Variants in DIPK1A observed in about 807,000 individuals in gnomAD.
DIPK1A encodes family with sequence similarity 69 member A.
Under a neutral mutation model 40.8 loss-of-function variants are expected in DIPK1A, and 27 were observed. The ratio of observed to expected loss-of-function variants is 0.66; its 90% CI spans 0.49 to 0.91. The LOEUF (loss-of-function observed/expected upper bound fraction) is 0.91. Ranked by LOEUF, DIPK1A falls within the 40% of genes least tolerant of loss-of-function variation. The probability of loss-of-function intolerance (pLI) is 0.00; values close to 1 mark genes in which losing one functional copy is unlikely to be tolerated. For missense variants in DIPK1A, 412 were observed against 505.7 expected (o/e 0.81, Z 1.78); for synonymous variants, 166 against 171.3 (o/e 0.97, Z 0.24).
chr1:92,862,580 C>G (rs1373820598), intron 2 of DIPK1A, among the ~76,000 whole-genome samples: 1 of 152,180 alleles, frequency 6.6e-6, no homozygotes, highest in Non-Finnish European at 1.5e-5. Flanking sequence ...TAAAACAGAT[C>G]CCCCTGCTTG....
intron 4 of DIPK1A, among the ~76,000 whole-genome samples, chr1:92,845,735 C>T (rs1191657350): frequency 6.6e-6 from 1 of 151,792 alleles, no homozygotes. Context: ...ACTCGGGAGG[C>T]TGAGGCAGGA....
chr1:92,838,972 G>T (rs1687230403), downstream of DIPK1A, among the ~76,000 whole-genome samples: 2 of 151,120 alleles, frequency 1.3e-5, no homozygotes, highest in South Asian at 4.2e-4. Context: ...TTAGAGACCT[G>T]GATTACTGTG....
At position 92,843,236 on chromosome 1, in the gene DIPK1A, T is replaced by G. The variant is rs1202311623; in HGVS notation, c.*147A>C. The stretch of plus-strand genomic sequence containing the variant: ...TGTTGATCCTACACCTGCCATTACT[T>G]CAGTGATCACATACTGATGGCTTCT... On this transcript the variant is annotated 3_prime_UTR_variant, in exon 5 of 5. Coordinates refer to ENST00000370310, the MANE Select transcript of DIPK1A (RefSeq NM_001006605.5). 1.4e-6 allele frequency: 2 copies of G among 1,425,036 alleles called. No homozygotes were observed. The highest frequency in any genetic ancestry group is 1.8e-6 in the Non-Finnish European group (2 of 1,089,008). The allele number at this position is 1,425,036 out of a possible 1,614,324, so 88.3% of individuals were successfully genotyped here.
rs1175439980 is a variant in DIPK1A at position 92,843,839 on chromosome 1, T to C, written c.831A>G (p.Glu277=). Residue 277 remains glutamate (E), a synonymous_variant, in exon 5 of 5, where the codon GAA becomes GAG. Coordinates refer to ENST00000370310, the MANE Select transcript of DIPK1A (RefSeq NM_001006605.5). ...RKAKIAIGLL[E]FVEDVFHGPY... is the part of the protein sequence containing the mutation. ...GGCCATGGAAAACATCTTCCACAAA[T>C]TCTAGAAGTCCTATGGCTATTTTGG... 3 of 1,551,828 alleles carry C rather than the reference T, an allele frequency of 1.9e-6. No homozygotes were observed. Among genetic ancestry groups the C allele is most frequent in the Non-Finnish European group, 2.6e-6 (3 of 1,147,028 alleles).
At chr1:92,892,569 C>T (rs909514068) in intron 1 of DIPK1A, among the ~76,000 whole-genome samples, 1 of 152,032 alleles carries the variant, frequency 6.6e-6, no homozygotes, top group East Asian at 1.9e-4. Flanking sequence ...AGCAGAAAAA[C>T]TGAAAATTCT....
intron 1 of DIPK1A, among the ~76,000 whole-genome samples, chr1:92,895,222 T>C (rs1315658996): frequency 6.6e-6 from 1 of 152,000 alleles, no homozygotes; most frequent in African/African-American, 2.4e-5. Context: ...TTTAGACCAA[T>C]ATCCCTGATG....
At chr1:92,841,673 C>A (rs1405546101), downstream of DIPK1A, 8 of 754,498 alleles carry the variant, frequency 1.1e-5, no homozygotes, top group South Asian at 1.2e-4. Flanking sequence ...CTTAAATATT[C>A]TCTATCAAAA....
intron 2 of DIPK1A, among the ~76,000 whole-genome samples, chr1:92,865,256 G>C (rs1647482009): frequency 6.6e-6 from 1 of 151,636 alleles, no homozygotes; most frequent in Non-Finnish European, 1.5e-5. Flanking sequence ...TCAGCTACTT[G>C]AGAGGCTGAG....
rs568560780 is a variant in DIPK1A, at chr1:92,908,344, T to TA, written c.55-31915dup. Among the ~76,000 whole-genome samples, 551 of 151,480 alleles carry TA rather than the reference T, an allele frequency of 3.6e-3. 1 individual carries two copies. Among genetic ancestry groups the TA allele is most frequent in the Non-Finnish European group, 6.8e-3 (459 of 67,854 alleles). ...GAATCTTCACTATTTAATGGTTGGGTAAAAAAAAGACAAGCTGATAAAAGA... is the reference window on the plus strand; with the variant it reads ...GAATCTTCACTATTTAATGGTTGGGTAAAAAAAAAGACAAGCTGATAAAAGA... On this transcript the variant is annotated intron_variant, in intron 1 of 4. Coordinates refer to ENST00000370310, the MANE Select transcript of DIPK1A (RefSeq NM_001006605.5).
chr1:92,879,169 G>C (rs1370126593), intron 1 of DIPK1A, among the ~76,000 whole-genome samples: 1 of 152,126 alleles, frequency 6.6e-6, no homozygotes, highest in Admixed American at 6.5e-5. Flanking sequence ...GACACAGAGA[G>C]ACCCTGTTGC....
chr1:92,849,104 T>C (rs1687724238), intron 3 of DIPK1A, among the ~76,000 whole-genome samples: 3 of 152,190 alleles, frequency 2.0e-5, no homozygotes, highest in Non-Finnish European at 4.4e-5. Flanking sequence ...ATGAATTTTT[T>C]ATTAAGGTAT....
chr1:92,863,304 C>G (rs1239289197), intron 2 of DIPK1A, among the ~76,000 whole-genome samples: 6 of 152,098 alleles, frequency 3.9e-5, no homozygotes, highest in Non-Finnish European at 8.8e-5. Context: ...TGGCTTTAAC[C>G]CTTAGTCTCT....
chr1:92,840,027 A>T (rs866574781), downstream of DIPK1A, among the ~76,000 whole-genome samples: 611 of 135,700 alleles, frequency 4.5e-3, 1 homozygote, highest in South Asian at 0.011. Context: ...TTTTTTTTTT[A>T]ATTTTTGGTA....
At chr1:92,897,927 T>C (rs1046586467) in intron 1 of DIPK1A, among the ~76,000 whole-genome samples, 5 of 152,034 alleles carry the variant, frequency 3.3e-5, no homozygotes, top group Non-Finnish European at 5.9e-5. Context: ...GGTGAAACCT[T>C]ATCTCTACTA....
chr1:92,915,825 T>C (rs994664132), intron 1 of DIPK1A, among the ~76,000 whole-genome samples: 1 of 152,102 alleles, frequency 6.6e-6, no homozygotes, highest in African/African-American at 2.4e-5. Context: ...TACACAAATA[T>C]TCACAGCAGC....
intron 1 of DIPK1A, among the ~76,000 whole-genome samples, chr1:92,945,198 T>C (rs893838944): frequency 6.6e-6 from 1 of 151,630 alleles, no homozygotes; most frequent in East Asian, 1.9e-4. Flanking sequence ...CACCACAGAA[T>C]ATGAAATATA....
At chr1:92,834,684 T>C in intron 4 of DIPK1A, 1 of 1,476,362 alleles carries the variant, frequency 6.8e-7, no homozygotes. Context: ...TTCATCTGTG[T>C]CCATCAATGT....
intron 1 of DIPK1A, among the ~76,000 whole-genome samples, chr1:92,921,181 A>G (rs1306690019): frequency 6.6e-6 from 1 of 152,102 alleles, no homozygotes; most frequent in Non-Finnish European, 1.5e-5. Context: ...TTTAATCCCA[A>G]GTTGCTTTGT....
intron 1 of DIPK1A, among the ~76,000 whole-genome samples, chr1:92,944,910 C>T (rs78874626): frequency 0.03 from 4,624 of 152,182 alleles, 206 homozygotes; most frequent in African/African-American, 0.1. Context: ...GTGCTGGGAT[C>T]ACAGGGGTGA....
Sources: gnomAD v4.1 joint callset for allele counts (sites outside exome capture counted in the v4.1 genomes callset) on GRCh38, gnomAD v4.1.1 for gene constraint, MANE v1.5 for transcripts, NCBI Gene and HGNC (gene_info 2026-07-23, HGNC 2026-07-21) for gene names.